The following TLE5 variants were observed in gnomAD, a reference collection of about 807,000 sequenced individuals.
TLE5 encodes the protein TLE family member 5, transcriptional modulator, also known as TLE family member 5.
TLE5 carries 7 observed loss-of-function variants against 25.8 expected under a neutral mutation model. The observed-to-expected ratio is 0.27, with a 90% confidence interval of 0.15 to 0.51. TLE5 has a LOEUF of 0.51. Ranked by LOEUF, TLE5 falls within the 20% of genes least tolerant of loss-of-function variation. TLE5 has a pLI of 0.97. For synonymous variants in TLE5, 132 were observed against 110.5 expected (o/e 1.20, Z -1.22); for missense variants, 149 against 250.7 (o/e 0.59, Z 2.74).
At chr19:3,057,904 A>T (rs1190342236) in intron 2 of TLE5, among the ~76,000 whole-genome samples, 162 bp from the exon 3 acceptor site, 1 of 151,966 alleles carries the variant, frequency 6.6e-6, no homozygotes, top group Non-Finnish European at 1.5e-5. Flanking sequence ...TTAAATTGAG[A>T]CGGGGGTCTC....
chr19:3,057,605 G>A, intron 3 of TLE5, 74 bp downstream of exon 3: 1 of 1,433,568 alleles, frequency 7.0e-7, no homozygotes, highest in Non-Finnish European at 9.8e-7. Flanking sequence ...GGGAGCAGCT[G>A]CCCGTGGTGG....
chr19:3,056,043 G>C (rs3930008), intron 4 of TLE5: 213,995 of 516,636 alleles, frequency 0.41, 50,804 homozygotes, highest in Non-Finnish European at 0.51. Context: ...AATGTAGGGA[G>C]GGCTGGGGGC....
intron 3 of TLE5, among the ~76,000 whole-genome samples, chr19:3,057,029 T>G (rs532196660): frequency 6.6e-6 from 1 of 152,266 alleles, no homozygotes; most frequent in South Asian, 2.1e-4. Context: ...CCCAGCCCTA[T>G]TCTTCTGGCT....
chr19:3,057,259 A>AC (rs1166322347), intron 3 of TLE5, among the ~76,000 whole-genome samples: 2 of 152,062 alleles, frequency 1.3e-5, no homozygotes, highest in Non-Finnish European at 2.9e-5. Flanking sequence ...TAGGGCTCAG[A>AC]CCCCCTCCCA....
chr19:3,061,444 G>A (rs2090266861), intron 1 of TLE5, 187 bp from the exon 2 acceptor site: 5 of 425,486 alleles, frequency 1.2e-5, no homozygotes. Flanking sequence ...GGGGGAAGCC[G>A]AGCGGGTGGG....
chr19:3,062,154 G>A lies in TLE5; in HGVS notation c.27+20C>T, dbSNP rs2090277013. ...GCCCGGATCCGGGGTGGGGGCGCCGGCCGGACGGGCCCCGCTTACCGAATG... is the reference window on the plus strand; with the variant it reads ...GCCCGGATCCGGGGTGGGGGCGCCGACCGGACGGGCCCCGCTTACCGAATG... On this transcript the variant is annotated intron_variant, in intron 1 of 6. Transcript: ENST00000327141. 1.7e-6 allele frequency: 2 copies of A among 1,156,178 alleles called. No homozygotes were observed. Among genetic ancestry groups the A allele is most frequent in the African/African-American group, 1.6e-5 (1 of 61,474 alleles). The allele number at this position is 1,156,178 out of a possible 1,614,324, so 71.6% of individuals were successfully genotyped here. A position where few individuals can be genotyped will look rare whatever the true frequency, so the allele number is the denominator to read the frequency against.
intron 1 of TLE5, among the ~76,000 whole-genome samples, chr19:3,061,820 C>T (rs1034602011): frequency 4.9e-4 from 68 of 138,272 alleles, no homozygotes; most frequent in African/African-American, 1.8e-3. Context: ...AGGTGCCTCG[C>T]GGGGCTTCCG....
chr19:3,055,918 T>C (rs1223172113), intron 4 of TLE5, 192 bp from the exon 5 acceptor site: 4 of 562,918 alleles, frequency 7.1e-6, no homozygotes, highest in Non-Finnish European at 1.2e-5. Flanking sequence ...AAGGTGGGGC[T>C]GGACACCGGC....
intron 2 of TLE5, among the ~76,000 whole-genome samples, chr19:3,060,549 C>A (rs2090257740): frequency 1.3e-5 from 2 of 151,978 alleles, no homozygotes; most frequent in Admixed American, 1.3e-4. Context: ...CCAGGCTGGT[C>A]TCGAACTCCT....
Position 3,059,970 on chromosome 19 carries a change from G to C in TLE5, c.125+1190C>G, listed in dbSNP as rs552496580. 3.3e-5 allele frequency among the ~76,000 whole-genome samples: 5 copies of C among 152,278 alleles called. No individual in the cohort carries two copies. The East Asian group carries it at 7.7e-4, about 24-fold the overall frequency. ...GGATGAAGCACGAGGAGGCACGAAC[G>C]GTCTTGAGCACACAGGGAGTACCCA... is the stretch of plus-strand genomic sequence containing the variant. On this transcript the variant is annotated intron_variant, in intron 2 of 6. Coordinates refer to ENST00000327141, the MANE Select transcript of TLE5 (RefSeq NM_001130.6).
intron 3 of TLE5, 115 bp downstream of exon 3, chr19:3,057,564 C>T (rs1599271175): frequency 1.0e-5 from 10 of 1,000,526 alleles, no homozygotes; most frequent in African/African-American, 1.6e-5. Flanking sequence ...CCCCGATCCT[C>T]GCGCTTCCCA....
At chr19:3,054,884 A>AGC (rs1292117874) in intron 5 of TLE5, 1 of 152,394 alleles carries the variant, frequency 6.6e-6, no homozygotes, top group Non-Finnish European at 1.5e-5. Flanking sequence ...CCCTGGGCAA[A>AGC]GCAGGGCACC....
intron 3 of TLE5, 194 bp from the exon 4 acceptor site, chr19:3,056,550 C>A: frequency 1.6e-6 from 1 of 628,412 alleles, no homozygotes; most frequent in Non-Finnish European, 2.9e-6. Context: ...AGCATCCCAG[C>A]CCGCCCTGGA....
Position 3,062,465 on chromosome 19 carries a change from G to T in TLE5, c.-265C>A, listed in dbSNP as rs2090280591. The T allele has an allele frequency of 5.1e-6, 3 of 583,460 alleles. No homozygotes were observed. Among genetic ancestry groups the T allele is most frequent in the South Asian group, 1.6e-4 (2 of 12,798 alleles). 36.1% of individuals were successfully genotyped at this position (583,460 alleles called of 1,614,324 possible). A position where few individuals can be genotyped will look rare whatever the true frequency, so the allele number is the denominator to read the frequency against. ...CGCCTCCCCGCTCCCCGGCCCCACC[G>T]CTATTGTCTAATGGCGGCGACGCCG... is the stretch of plus-strand genomic sequence containing the variant. On this transcript the variant is annotated 5_prime_UTR_variant, in exon 1 of 7. Coordinates refer to ENST00000327141, the MANE Select transcript of TLE5 (RefSeq NM_001130.6).
chr19:3,062,045 G>A, intron 1 of TLE5, 129 bp downstream of exon 1: 1 of 245,958 alleles, frequency 4.1e-6, no homozygotes, highest in Non-Finnish European at 7.0e-6. Flanking sequence ...CAGGGCCGGG[G>A]AGTTGGGGGG....
rs375155372 is a variant in TLE5 at position 3,055,800 on chromosome 19, C to G, written c.235-74G>C. ...GCAGGCTAGCCACAGGAGGCCTGCGCGGGGCCCGGCCCAGCCCTGCCACTT... is the reference window on the plus strand; with the variant it reads ...GCAGGCTAGCCACAGGAGGCCTGCGGGGGGCCCGGCCCAGCCCTGCCACTT... On this transcript the variant is annotated intron_variant, in intron 4 of 6. Coordinates refer to ENST00000327141, the MANE Select transcript of TLE5 (RefSeq NM_001130.6). 2.7e-6 allele frequency: 4 copies of G among 1,478,918 alleles called. No homozygotes were observed. The Admixed American group carries it at 6.4e-5, about 24-fold the overall frequency. 91.6% of individuals were successfully genotyped at this position (1,478,918 alleles called of 1,614,324 possible). A position where few individuals can be genotyped will look rare whatever the true frequency, so the allele number is the denominator to read the frequency against.
Sources: gnomAD v4.1 joint callset for allele counts (sites outside exome capture counted in the v4.1 genomes callset) on GRCh38, gnomAD v4.1.1 for gene constraint, MANE v1.5 for transcripts, NCBI Gene and HGNC (gene_info 2026-07-23, HGNC 2026-07-21) for gene names.